FAS: variants seen among roughly 807,000 people sequenced by gnomAD.
FAS encodes the protein Fas cell surface death receptor, also known as tumor necrosis factor receptor superfamily member 6.
A neutral mutation model predicts 33.2 loss-of-function variants in FAS; 5 were observed. The ratio of observed to expected loss-of-function variants is 0.15; its 90% CI spans 0.08 to 0.32. FAS has a LOEUF of 0.32. Among genes scored for constraint, FAS ranks in the 10% least tolerant of loss-of-function variants. FAS has a pLI of 1.00. For synonymous variants in FAS, 131 were observed against 130.7 expected (o/e 1.00, Z -0.01); for missense variants, 339 against 386.0 (o/e 0.88, Z 1.02).
intron 3 of FAS, among the ~76,000 whole-genome samples, chr10:89,008,302 T>C (rs1848348835): frequency 6.6e-6 from 1 of 152,190 alleles, no homozygotes; most frequent in African/African-American, 2.4e-5. Context: ...TATCTCAATG[T>C]ATTCTAAGGA....
At chr10:89,005,208 A>G (rs1848157044) in intron 2 of FAS, among the ~76,000 whole-genome samples, 1 of 151,554 alleles carries the variant, frequency 6.6e-6, no homozygotes, top group African/African-American at 2.4e-5. Flanking sequence ...GGAGGAGAAA[A>G]AAAGAAAGAA....
chr10:88,980,598 T>C (rs766742606), intron 2 of FAS, among the ~76,000 whole-genome samples: 3 of 152,214 alleles, frequency 2.0e-5, no homozygotes, highest in Non-Finnish European at 2.9e-5. Flanking sequence ...ACACAGTCCA[T>C]GGTACAAAGT....
At chr10:88,983,408 G>C (rs1168471992), upstream of FAS, among the ~76,000 whole-genome samples, 1 of 152,004 alleles carries the variant, frequency 6.6e-6, no homozygotes, top group East Asian at 1.9e-4. Context: ...ACTTACTTAG[G>C]GAGTTTACAT....
intron 1 of FAS, among the ~76,000 whole-genome samples, chr10:88,970,024 A>G (rs1219620074): frequency 6.6e-6 from 1 of 152,240 alleles, no homozygotes; most frequent in Admixed American, 6.5e-5. Flanking sequence ...GTCAGATGTA[A>G]CCACACTGAT....
In FAS at chr10:88,990,930, G is replaced by C. The variant is rs368294302; in HGVS notation, c.30+24G>C. On this transcript the variant is annotated intron_variant, in intron 1 of 8. Transcript: ENST00000652046. This position sits in a 1 kb window ranked among gnomAD's most constrained non-coding sequence, Gnocchi z 4.9. ...TGGTGAGCCCTCTCCTGCCCGGGTG[G>C]AGGCTTACCCCGTCTTAGTCCCGGG... 15 of 1,614,166 alleles carry C rather than the reference G, an allele frequency of 9.3e-6. No homozygotes were observed. The highest frequency in any genetic ancestry group is 1.2e-5 in the Non-Finnish European group (14 of 1,180,006).
chr10:89,006,815 C>A (rs1848254956), intron 2 of FAS, among the ~76,000 whole-genome samples: 1 of 152,132 alleles, frequency 6.6e-6, no homozygotes, highest in Non-Finnish European at 1.5e-5. Context: ...AAACACCTAT[C>A]AGATAAATGA....
At chr10:88,999,307 T>C (rs551408567) in intron 1 of FAS, among the ~76,000 whole-genome samples, 1 of 152,322 alleles carries the variant, frequency 6.6e-6, no homozygotes, top group African/African-American at 2.4e-5. Flanking sequence ...TAGAACCCCA[T>C]AACCCATCTA....
intron 2 of FAS, among the ~76,000 whole-genome samples, chr10:89,007,007 A>G (rs1848264104): frequency 6.6e-6 from 1 of 152,250 alleles, no homozygotes; most frequent in African/African-American, 2.4e-5. Flanking sequence ...TCATCAGTAC[A>G]TATCCTGTCT....
intron 1 of FAS, among the ~76,000 whole-genome samples, chr10:88,992,884 C>G (rs1165082272): frequency 2.0e-5 from 3 of 152,156 alleles, no homozygotes; most frequent in African/African-American, 7.2e-5. Context: ...CCTCATGTGT[C>G]TACAGAAAAT....
At chr10:89,004,177 C>T (rs1848091052) in intron 2 of FAS, among the ~76,000 whole-genome samples, 1 of 152,120 alleles carries the variant, frequency 6.6e-6, no homozygotes, top group Admixed American at 6.5e-5. Context: ...AATTTTAAAA[C>T]CTAAAATGTA....
chr10:88,971,678 G>A (rs1254582881), intron 1 of FAS, among the ~76,000 whole-genome samples: 3 of 152,012 alleles, frequency 2.0e-5, no homozygotes, highest in Non-Finnish European at 2.9e-5. Context: ...TAACTAATAG[G>A]ACACGTGTAA....
intron 2 of FAS, among the ~76,000 whole-genome samples, chr10:89,005,175 AAGGGAGGGAGGG>A (rs145464600): frequency 5.1e-5 from 7 of 137,294 alleles, no homozygotes; most frequent in South Asian, 2.7e-4. Flanking sequence ...ATCAAAAACG[AAGGGAGGGAGGG>A]AGGGAGGGAG....
At chr10:88,972,153 C>T (rs977340805) in intron 1 of FAS, among the ~76,000 whole-genome samples, 6 of 151,910 alleles carry the variant, frequency 3.9e-5, no homozygotes, top group Admixed American at 1.3e-4. Context: ...GTGATCCACC[C>T]GCCTCAGCCT....
intron 1 of FAS, chr10:88,991,166 C>T: frequency 1.7e-6 from 1 of 588,358 alleles, no homozygotes; most frequent in Non-Finnish European, 3.0e-6. Flanking sequence ...GCTGGGCAGG[C>T]GGGGCAGCTC....
upstream of FAS, chr10:88,990,674 G>T: frequency 1.4e-6 from 1 of 704,708 alleles, no homozygotes; most frequent in Non-Finnish European, 2.6e-6. The surrounding 1 kb of genome is among the most constrained non-coding windows in gnomAD (Gnocchi z 4.9). Context: ...TGACACACAG[G>T]TGTTCAAAGA....
Position 89,016,203 on chromosome 10 carries a change from A to C in FAS, c.*1753A>C. The C allele has an allele frequency of 4.6e-6, 1 of 217,200 alleles. No individual in the cohort carries two copies. Among genetic ancestry groups the C allele is most frequent in the Non-Finnish European group, 9.3e-6 (1 of 107,954 alleles). 13.5% of individuals were successfully genotyped at this position (217,200 alleles called of 1,614,324 possible). A position where few individuals can be genotyped will look rare whatever the true frequency, so the allele number is the denominator to read the frequency against. Reference sequence around the variant, plus strand: ...ATATTCTATTTAACCCATGAGTCCCAAAGTATTAGCATTTCAACATGTAAG... The same window carrying C: ...ATATTCTATTTAACCCATGAGTCCCCAAGTATTAGCATTTCAACATGTAAG... On this transcript the variant is annotated 3_prime_UTR_variant, in exon 9 of 9. Coordinates refer to ENST00000652046, the MANE Select transcript of FAS (RefSeq NM_000043.6).
At chr10:89,007,562 T>G in intron 2 of FAS, 138 bp from the exon 3 acceptor site, 61 of 1,018,626 alleles carry the variant, frequency 6.0e-5, no homozygotes, top group Non-Finnish European at 8.0e-5. Flanking sequence ...TCTCCCCCAT[T>G]GTATTTATAT....
rs9658721 is a variant in FAS at position 89,000,997 on chromosome 10, G to A, written c.31-2032G>A. Among the ~76,000 whole-genome samples the A allele has an allele frequency of 3.3e-5, 5 of 152,342 alleles. No individual in the cohort carries two copies. In the East Asian group the frequency reaches 9.6e-4, roughly 29 times the overall value. ...GGAGGCAGAGGTTGTAGTGAGCCAAGATCTAGATTGTGCCACTGTGCTCCA... is the reference window on the plus strand; with the variant it reads ...GGAGGCAGAGGTTGTAGTGAGCCAAAATCTAGATTGTGCCACTGTGCTCCA... On this transcript the variant is annotated intron_variant, in intron 1 of 8. Coordinates refer to ENST00000652046, the MANE Select transcript of FAS (RefSeq NM_000043.6).
At chr10:88,973,586 C>A in intron 2 of FAS, 1 of 280,236 alleles carries the variant, frequency 3.6e-6, no homozygotes, top group Middle Eastern at 9.7e-4. Flanking sequence ...CCAAAAGCAT[C>A]TTTAACATAG....
Sources: allele counts gnomAD v4.1 joint callset (sites outside exome capture counted in the v4.1 genomes callset), GRCh38; gene constraint gnomAD v4.1.1; non-coding constraint Gnocchi (gnomAD v3.1); transcripts MANE v1.5; gene names NCBI Gene and HGNC (gene_info 2026-07-23, HGNC 2026-07-21).